KDM4D: variants seen among roughly 807,000 people sequenced by gnomAD.
KDM4D encodes lysine-specific demethylase 4D.
For missense variants in KDM4D, 427 were observed against 674.8 expected (o/e 0.63, Z 4.07); for synonymous variants, 254 against 249.1 (o/e 1.02, Z -0.19).
chr11:94,979,039 T>C (rs1000341126), intron 2 of KDM4D, among the ~76,000 whole-genome samples: 29 of 152,212 alleles, frequency 1.9e-4, no homozygotes, highest in African/African-American at 6.5e-4. Flanking sequence ...ATATAAGTTA[T>C]ATGTGTGTAC....
intron 2 of KDM4D, among the ~76,000 whole-genome samples, chr11:94,983,689 T>A (rs1278530941): frequency 6.6e-6 from 1 of 152,108 alleles, no homozygotes; most frequent in Non-Finnish European, 1.5e-5. Context: ...AGTGAAAAAT[T>A]ACTTGACTTC....
intron 2 of KDM4D, among the ~76,000 whole-genome samples, chr11:94,993,259 T>C (rs1286888477): frequency 6.6e-6 from 1 of 152,202 alleles, no homozygotes; most frequent in Non-Finnish European, 1.5e-5. Context: ...AAGAAAATAC[T>C]TTTCTTTGGT....
chr11:94,975,855 T>G (rs1374243269), intron 2 of KDM4D, 107 bp downstream of exon 2: 2 of 152,140 alleles, frequency 1.3e-5, no homozygotes, highest in Non-Finnish European at 2.9e-5. Flanking sequence ...ACCCACAGTT[T>G]TTATGTTCCA....
chr11:94,995,383 T>G (rs1857967409), intron 2 of KDM4D, among the ~76,000 whole-genome samples: 1 of 152,156 alleles, frequency 6.6e-6, no homozygotes, highest in South Asian at 2.1e-4. Context: ...AAAGTGACAC[T>G]GTTCACATTA....
At position 94,997,077 on chromosome 11, in the gene KDM4D, G is replaced by A; in HGVS notation, c.-296G>A. On this transcript the variant is annotated 5_prime_UTR_variant, in exon 3 of 3. Transcript: ENST00000335080. ...CTGCTACATTTGGGTCGTACCCCCA[G>A]GTCTGAGTAATTCAATAGACTTAAG... 4.1e-6 allele frequency: 1 copy of A among 245,372 alleles called. No individual in the cohort carries two copies. Among genetic ancestry groups the A allele is most frequent in the Non-Finnish European group, 7.7e-6 (1 of 129,654 alleles). The allele number at this position is 245,372 out of a possible 1,614,324, so 15.2% of individuals were successfully genotyped here.
intron 2 of KDM4D, among the ~76,000 whole-genome samples, chr11:94,994,319 C>CA (rs1857959297): frequency 6.6e-6 from 1 of 152,124 alleles, no homozygotes; most frequent in African/African-American, 2.4e-5. Flanking sequence ...AGTTGACTTT[C>CA]AGGGGCTCAC....
rs1467876972 is a variant in KDM4D, at chr11:94,984,496, TAATA to T, written c.-350+8752_-350+8755del. ...GGCAACAGAACCAGTCCCTTTCTCA[TAATA>T]AATGAATAAAAATAAAAATTGTAGA... On this transcript the variant is annotated intron_variant, in intron 2 of 2. Transcript: ENST00000335080. 2.6e-5 allele frequency among the ~76,000 whole-genome samples: 4 copies of T among 151,758 alleles called. No individual in the cohort carries two copies. The East Asian group carries it at 5.8e-4, about 22-fold the overall frequency.
intron 2 of KDM4D, among the ~76,000 whole-genome samples, chr11:94,990,276 A>G (rs1469348006): frequency 2.6e-5 from 4 of 152,234 alleles, no homozygotes; most frequent in African/African-American, 9.6e-5. Context: ...AAATAAATGT[A>G]GCACTCATGG....
rs954955594 is a variant in KDM4D, at chr11:94,977,668, A to G, written c.-350+1920A>G. On this transcript the variant is annotated intron_variant, in intron 2 of 2. Transcript: ENST00000335080. Reference sequence around the variant, plus strand: ...TCTTCTTTTTATCTTTTAAAATTATATTATATATAATTACATGGCATTTAT... The same window carrying G: ...TCTTCTTTTTATCTTTTAAAATTATGTTATATATAATTACATGGCATTTAT... 2.0e-5 allele frequency among the ~76,000 whole-genome samples: 3 copies of G among 151,992 alleles called. No homozygotes were observed. The East Asian group carries it at 5.8e-4, about 29-fold the overall frequency.
Position 94,997,430 on chromosome 11 carries a change from A to G in KDM4D, c.58A>G (p.Ile20Val), listed in dbSNP as rs943015494. 2.5e-6 allele frequency: 4 copies of G among 1,613,122 alleles called. No individual in the cohort carries two copies. The highest frequency in any genetic ancestry group is 3.4e-6 in the Non-Finnish European group (4 of 1,179,392). ...CCAGAATCCAAATTGTAACATAATG[A>G]TATTTCATCCAACCAAAGAAGAGTT... is the stretch of plus-strand genomic sequence containing the variant. The part of the protein sequence containing the change: ...CAQNPNCNIM[I>V]FHPTKEEFND... Residue 20 changes from isoleucine to valine, a missense_variant, in exon 3 of 3, where the codon ATA (isoleucine) becomes GTA (valine). Transcript: ENST00000335080.
intron 2 of KDM4D, among the ~76,000 whole-genome samples, chr11:94,982,116 A>G (rs931232412): frequency 1.3e-5 from 2 of 151,622 alleles, no homozygotes; most frequent in African/African-American, 4.8e-5. Flanking sequence ...TAAATTTGGG[A>G]ATTTTTTAGT....
intron 2 of KDM4D, among the ~76,000 whole-genome samples, chr11:94,992,024 T>G (rs782064072): frequency 6.6e-6 from 1 of 151,914 alleles, no homozygotes; most frequent in Non-Finnish European, 1.5e-5. Flanking sequence ...ATTTCAAAAG[T>G]TAATAACCCC....
At chr11:94,985,861 C>G (rs1450702953) in intron 2 of KDM4D, among the ~76,000 whole-genome samples, 1 of 152,106 alleles carries the variant, frequency 6.6e-6, no homozygotes, top group Non-Finnish European at 1.5e-5. Flanking sequence ...TATCCACATA[C>G]AAAAGAATGA....
chr11:94,985,145 G>C (rs1048197569), intron 2 of KDM4D, among the ~76,000 whole-genome samples: 2 of 152,168 alleles, frequency 1.3e-5, no homozygotes, highest in South Asian at 2.1e-4. Context: ...AAGACATTCA[G>C]ACTGAAAAGG....
At chr11:94,996,473 T>C (rs1245750124) in intron 2 of KDM4D, among the ~76,000 whole-genome samples, 1 of 152,228 alleles carries the variant, frequency 6.6e-6, no homozygotes, top group Non-Finnish European at 1.5e-5. Context: ...CTTTGCCTCC[T>C]TTTCATCTTT....
intron 2 of KDM4D, among the ~76,000 whole-genome samples, chr11:94,981,808 A>G (rs1857845251): frequency 6.6e-6 from 1 of 151,356 alleles, no homozygotes; most frequent in Non-Finnish European, 1.5e-5. Context: ...TGTTCATCAT[A>G]TTTTATATTG....
intron 2 of KDM4D, among the ~76,000 whole-genome samples, chr11:94,994,432 T>G (rs1206888958): frequency 1.3e-5 from 2 of 152,080 alleles, no homozygotes; most frequent in Non-Finnish European, 2.9e-5. Context: ...AACAGCATGG[T>G]ACTAACAGAA....
chr11:94,977,638 CT>C (rs1415910235), intron 2 of KDM4D, among the ~76,000 whole-genome samples: 4 of 152,238 alleles, frequency 2.6e-5, no homozygotes, highest in Non-Finnish European at 4.4e-5. Flanking sequence ...CTCCCTTCCC[CT>C]CTTTCTTCTT....
chr11:94,988,571 A>G (rs1413804943), intron 2 of KDM4D, among the ~76,000 whole-genome samples: 1 of 152,240 alleles, frequency 6.6e-6, no homozygotes, highest in Non-Finnish European at 1.5e-5. Context: ...AGTGAGAGAC[A>G]GTGACCTTTC....
Sources: gnomAD v4.1 joint callset for allele counts (sites outside exome capture counted in the v4.1 genomes callset) on GRCh38, gnomAD v4.1.1 for gene constraint, MANE v1.5 for transcripts, NCBI Gene and HGNC (gene_info 2026-07-23, HGNC 2026-07-21) for gene names.